Variants in INTS2 observed in about 807,000 individuals in gnomAD.
The protein encoded by INTS2 is integrator complex subunit 2.
In INTS2, 57 loss-of-function variants were observed where a neutral mutation model predicts 139.6. That is an observed-to-expected ratio of 0.41 (90% CI 0.33 to 0.51). The LOEUF (loss-of-function observed/expected upper bound fraction) is 0.51, where lower values mean the gene tolerates loss of function less well. Ranked by LOEUF, INTS2 falls within the 20% of genes least tolerant of loss-of-function variation. The pLI, the probability that INTS2 is intolerant of heterozygous loss-of-function variation, is 0.28. For synonymous variants in INTS2, 473 were observed against 493.4 expected, an observed-to-expected ratio of 0.96 and a Z score of 0.55; for missense variants, 1,196 against 1,436.7, an observed-to-expected ratio of 0.83 and a Z score of 2.71.
intron 16 of INTS2, 96 bp downstream of exon 16, chr17:61,884,805 T>C (rs2079210653): frequency 6.5e-6 from 5 of 766,670 alleles, no homozygotes; most frequent in Non-Finnish European, 1.1e-5. Context: ...ACTGTTTGAA[T>C]TTTTAACATT....
rs140363301 is a variant in INTS2 at position 61,914,365 on chromosome 17, G to A, written c.650-2295C>T. 8.0e-4 allele frequency among the ~76,000 whole-genome samples: 122 copies of A among 152,192 alleles called. 4 individuals carry two copies. The highest frequency in any genetic ancestry group is 7.4e-4 in the Non-Finnish European group (50 of 68,002). Reference sequence around the variant, plus strand: ...TTAGCCCAGGAGTCTGAGACAGCACGGGTAACATGGTGAAACCCCATATCC... The same window carrying A: ...TTAGCCCAGGAGTCTGAGACAGCACAGGTAACATGGTGAAACCCCATATCC... On this transcript the variant is annotated intron_variant, in intron 5 of 24. Coordinates refer to ENST00000251334, the MANE Select transcript of INTS2 (RefSeq NM_001351695.2).
Position 61,869,506 on chromosome 17 carries a change from T to G in INTS2, c.3031-126A>C. On this transcript the variant is annotated intron_variant, in intron 21 of 24. Coordinates refer to ENST00000251334, the MANE Select transcript of INTS2 (RefSeq NM_001351695.2). This position sits in a 1 kb window ranked among gnomAD's most constrained non-coding sequence, Gnocchi z 5.4. ...GCTCAGAAGGCTATAGTGCCCCATA[T>G]GTAACCTGGCATTTCACTTTTCTGA... The G allele has an allele frequency of 1.2e-6, 1 of 808,270 alleles. No homozygotes were observed. The highest frequency in any genetic ancestry group is 1.9e-6 in the Non-Finnish European group (1 of 515,570). 50.1% of individuals were successfully genotyped at this position (808,270 alleles called of 1,614,324 possible).
intron 5 of INTS2, among the ~76,000 whole-genome samples, chr17:61,917,019 C>G (rs2079589753): frequency 6.6e-6 from 1 of 151,676 alleles, no homozygotes; most frequent in African/African-American, 2.4e-5. Context: ...TATAAGCAAC[C>G]AAAAAACATG....
intron 8 of INTS2, among the ~76,000 whole-genome samples, chr17:61,906,671 G>A (rs2079466576): frequency 6.6e-6 from 1 of 151,886 alleles, no homozygotes; most frequent in South Asian, 2.1e-4. Context: ...TATTCAAAAG[G>A]ATTTTGTATG....
In INTS2 at chr17:61,904,527, T is replaced by A. The variant is rs2079441066; in HGVS notation, c.1240A>T (p.Thr414Ser). 6.2e-7 allele frequency: 1 copy of A among 1,612,402 alleles called. No homozygotes were observed. The highest frequency in any genetic ancestry group is 1.3e-5 in the African/African-American group (1 of 75,030). The change falls in exon 9 of 25, where the codon ACG becomes TCG. Residue 414 changes from threonine to serine, a missense_variant. Physicochemically the swap from Thr to Ser is moderately conservative, Grantham distance 58. This residue lies in a region of INTS2 where 1,129 missense variants were observed against 1,341.9 expected (regional missense o/e 0.84). Transcript: ENST00000251334. ...LQLMTSRPPA[T>S]PAGVRFVSLS... ...GAAACAAAGCGAACCCCAGCTGGCG[T>A]AGCAGGAGGACGGCTCGTCATCAAC...
At chr17:61,881,930 A>T (rs532884438) in intron 16 of INTS2, among the ~76,000 whole-genome samples, 3 of 152,328 alleles carry the variant, frequency 2.0e-5, no homozygotes, top group African/African-American at 7.2e-5. Flanking sequence ...TCAAGAGTTC[A>T]GGGTAGAGGA....
intron 15 of INTS2, chr17:61,885,414 C>CTT (rs201806448): frequency 5.2e-4 from 74 of 141,954 alleles, no homozygotes; most frequent in African/African-American, 1.5e-3. Flanking sequence ...GTAATTTTAT[C>CTT]TTTTTTTTTT....
intron 16 of INTS2, among the ~76,000 whole-genome samples, chr17:61,883,814 C>A (rs1259253507): frequency 4.0e-5 from 6 of 150,354 alleles, no homozygotes; most frequent in Non-Finnish European, 5.9e-5. Context: ...AACACCCACA[C>A]TCAAACATTA....
At chr17:61,905,197 T>C (rs2079448448) in intron 8 of INTS2, among the ~76,000 whole-genome samples, 1 of 152,086 alleles carries the variant, frequency 6.6e-6, no homozygotes, top group South Asian at 2.1e-4. Flanking sequence ...TCCCTTGGTC[T>C]CCTAAAATGC....
intron 5 of INTS2, among the ~76,000 whole-genome samples, chr17:61,915,538 T>C (rs1478289178): frequency 7.7e-6 from 1 of 130,624 alleles, no homozygotes; most frequent in Non-Finnish European, 1.6e-5. Flanking sequence ...AAAAAAAAAG[T>C]CCGGGCGCGG....
chr17:61,875,068 C>T lies in INTS2; in HGVS notation c.2457-30G>A, dbSNP rs2079116892. On this transcript the variant is annotated intron_variant, in intron 18 of 24. Coordinates refer to ENST00000251334, the MANE Select transcript of INTS2 (RefSeq NM_001351695.2). This position sits in a 1 kb window ranked among gnomAD's most constrained non-coding sequence, Gnocchi z 4.6. The stretch of plus-strand genomic sequence containing the variant: ...TAAGAAAATAATCACATGTTCAAAA[C>T]AGTTTTTTATATATTAAAATCTGTA... 1.3e-6 allele frequency: 2 copies of T among 1,529,974 alleles called. No individual in the cohort carries two copies. The highest frequency in any genetic ancestry group is 1.2e-5 in the South Asian group (1 of 80,042). The allele number at this position is 1,529,974 out of a possible 1,614,324, so 94.8% of individuals were successfully genotyped here. A position where few individuals can be genotyped will look rare whatever the true frequency, so the allele number is the denominator to read the frequency against.
intron 15 of INTS2, 50 bp downstream of exon 15, chr17:61,889,736 A>G (rs759992640): frequency 3.5e-6 from 3 of 865,964 alleles, no homozygotes; most frequent in Non-Finnish European, 5.6e-6. Flanking sequence ...ACAAAATACA[A>G]GCTAATAAAA....
chr17:61,908,159 A>C (rs570634724), intron 7 of INTS2, among the ~76,000 whole-genome samples: 78 of 152,354 alleles, frequency 5.1e-4, no homozygotes, highest in African/African-American at 1.7e-3. Flanking sequence ...TCACGCCTGT[A>C]ATCCCAGCAC....
In INTS2 at chr17:61,891,583, G is replaced by C. The variant is rs201541674; in HGVS notation, c.1805C>G (p.Ser602Cys). The change falls in exon 14 of 25, where the codon TCT becomes TGT. Residue 602 changes from serine (S) to cysteine (C), a missense_variant. Ser to Cys is a moderately radical substitution (Grantham distance 112). Around this residue, in one of 3 missense-constraint regions of INTS2, gnomAD observed 1,129 missense variants for 1,341.9 expected, o/e 0.84. Coordinates refer to ENST00000251334, the MANE Select transcript of INTS2 (RefSeq NM_001351695.2). ...TGGCTGATTTGTGGCTTCTGGATTAGATTTCGACGCAGGAGTAAGTATAGA... is the reference window on the plus strand; with the variant it reads ...TGGCTGATTTGTGGCTTCTGGATTACATTTCGACGCAGGAGTAAGTATAGA... ...INSILTPASK[S>C]NPEATNQPVT... 1.9e-6 allele frequency: 3 copies of C among 1,613,600 alleles called. No individual in the cohort carries two copies. The African/African-American group carries it at 4.0e-5, about 22-fold the overall frequency.
At position 61,923,381 on chromosome 17, in the gene INTS2, A is replaced by G. The variant is rs983861308; in HGVS notation, c.433-1554T>C. ...AGTCCCAGCTACTCGGGAGGCTGAGACAGGAGAATGGTGTGAACCCGGGAG... is the reference window on the plus strand; with the variant it reads ...AGTCCCAGCTACTCGGGAGGCTGAGGCAGGAGAATGGTGTGAACCCGGGAG... On this transcript the variant is annotated intron_variant, in intron 3 of 24. Transcript: ENST00000251334. Among the ~76,000 whole-genome samples, 6 of 149,622 alleles carry G rather than the reference A, an allele frequency of 4.0e-5. No individual in the cohort carries two copies. The East Asian group carries it at 6.1e-4, about 15-fold the overall frequency.
At chr17:61,898,845 T>G (rs1442722990) in intron 9 of INTS2, among the ~76,000 whole-genome samples, 1 of 149,708 alleles carries the variant, frequency 6.7e-6, no homozygotes, top group African/African-American at 2.5e-5. Flanking sequence ...AACTCCTGAT[T>G]TCAGGTGACT....
At chr17:61,890,944 T>C (rs956661808) in intron 14 of INTS2, among the ~76,000 whole-genome samples, 6 of 122,320 alleles carry the variant, frequency 4.9e-5, no homozygotes, top group African/African-American at 1.9e-4. Flanking sequence ...AGACTGCCCA[T>C]TGCACTCCAG....
intron 15 of INTS2, among the ~76,000 whole-genome samples, chr17:61,886,008 A>G (rs1360186435): frequency 1.3e-5 from 2 of 151,762 alleles, no homozygotes; most frequent in Non-Finnish European, 2.9e-5. Context: ...GATTACAGGC[A>G]TGAGCCACAG....
rs78929633 is a variant in INTS2 at position 61,869,257 on chromosome 17, C to G, written c.3138+16G>C. On this transcript the variant is annotated intron_variant, in intron 22 of 24. Coordinates refer to ENST00000251334, the MANE Select transcript of INTS2 (RefSeq NM_001351695.2). This position sits in a 1 kb window ranked among gnomAD's most constrained non-coding sequence, Gnocchi z 5.4. ...GAGAGAGATCAATTGTCCTAAAGCT[C>G]CAAAATGCTCATTACCTGTTTCTCA... The G allele has an allele frequency of 6.4e-7, 1 of 1,567,412 alleles. No individual in the cohort carries two copies. Among genetic ancestry groups the G allele is most frequent in the African/African-American group, 1.4e-5 (1 of 73,844 alleles).
Sources: gnomAD v4.1 joint callset for allele counts (sites outside exome capture counted in the v4.1 genomes callset) on GRCh38, gnomAD v4.1.1 for gene constraint, gnomAD v4.1.1 regional missense constraint, Gnocchi (gnomAD v3.1) non-coding constraint, MANE v1.5 for transcripts, NCBI Gene and HGNC (gene_info 2026-07-23, HGNC 2026-07-21) for gene names.